ADAM22: variants seen among roughly 807,000 people sequenced by gnomAD.
The protein encoded by ADAM22 is disintegrin and metalloproteinase domain-containing protein 22.
ADAM22 carries 65 observed loss-of-function variants against 144.6 expected under a neutral mutation model. That is an observed-to-expected ratio of 0.45 (90% CI 0.37 to 0.55). The LOEUF (loss-of-function observed/expected upper bound fraction) is 0.55, where lower values mean the gene tolerates loss of function less well. ADAM22 is among the 20% of genes least tolerant of loss of function. ADAM22 has a pLI of 0.00. For synonymous variants in ADAM22, 391 were observed against 412.6 expected (o/e 0.95, Z 0.63); for missense variants, 974 against 1,184.9 (o/e 0.82, Z 2.61).
At chr7:88,068,571 T>C (rs1232143971) in intron 3 of ADAM22, among the ~76,000 whole-genome samples, 2 of 152,214 alleles carry the variant, frequency 1.3e-5, no homozygotes, top group East Asian at 3.8e-4. Flanking sequence ...AATCACTGAA[T>C]GTTAGAACAA....
At chr7:88,075,021 C>A (rs772216742) in intron 3 of ADAM22, among the ~76,000 whole-genome samples, 11 of 151,478 alleles carry the variant, frequency 7.3e-5, no homozygotes, top group Non-Finnish European at 1.5e-4. Context: ...GTCTTGAGAC[C>A]CCTCCATTAA....
At chr7:88,055,216 G>A (rs1418237071) in intron 3 of ADAM22, among the ~76,000 whole-genome samples, 2 of 152,018 alleles carry the variant, frequency 1.3e-5, no homozygotes, top group Admixed American at 1.3e-4. Context: ...AAGACTGAGA[G>A]GGAAGGAAGC....
chr7:87,957,908 A>G (rs1384435706), intron 2 of ADAM22, among the ~76,000 whole-genome samples: 1 of 152,122 alleles, frequency 6.6e-6, no homozygotes, highest in Non-Finnish European at 1.5e-5. Context: ...ATACATACAT[A>G]TATATCCATA....
chr7:88,062,167 G>T (rs1810062074), intron 3 of ADAM22, among the ~76,000 whole-genome samples: 1 of 151,742 alleles, frequency 6.6e-6, no homozygotes, highest in Non-Finnish European at 1.5e-5. Flanking sequence ...TTGAAACCAG[G>T]TATTGACTTC....
intron 2 of ADAM22, among the ~76,000 whole-genome samples, chr7:87,947,418 C>T (rs1843958942): frequency 6.6e-6 from 1 of 151,548 alleles, no homozygotes; most frequent in South Asian, 2.1e-4. Flanking sequence ...TTCCTGTCAC[C>T]AAAGGTGAAG....
chr7:88,117,646 A>G (rs1167253585), intron 7 of ADAM22, among the ~76,000 whole-genome samples: 1 of 151,390 alleles, frequency 6.6e-6, no homozygotes, highest in Non-Finnish European at 1.5e-5. Flanking sequence ...ATATCTGGAT[A>G]TCTGGTATGG....
intron 4 of ADAM22, among the ~76,000 whole-genome samples, chr7:88,106,380 T>C (rs1824394150): frequency 6.6e-6 from 1 of 152,184 alleles, no homozygotes; most frequent in African/African-American, 2.4e-5. Flanking sequence ...TGGGATTATC[T>C]CACAAGGAGC....
At chr7:88,146,761 A>G (rs1207945574) in intron 17 of ADAM22, among the ~76,000 whole-genome samples, 3 of 152,218 alleles carry the variant, frequency 2.0e-5, no homozygotes, top group Admixed American at 1.3e-4. Context: ...CTTAGCCAGT[A>G]AGGAATAGAT....
In ADAM22 at chr7:88,108,664, G is replaced by A. The variant is rs753235138; in HGVS notation, c.473+406G>A. On this transcript the variant is annotated intron_variant, in intron 5 of 31. Coordinates refer to ENST00000413139, the MANE Select transcript of ADAM22 (RefSeq NM_001324418.2). ...GAATCACTTGAACCTGCGAGGTGAA[G>A]GTTGCAGTGAGCCAAGACCATGCCA... is the stretch of plus-strand genomic sequence containing the variant. Among the ~76,000 whole-genome samples the A allele has an allele frequency of 3.5e-4, 53 of 152,100 alleles. 2 individuals carry two copies. Among genetic ancestry groups the A allele is most frequent in the Non-Finnish European group, 1.3e-4 (9 of 67,998 alleles).
chr7:88,049,374 CTGTTTTT>C (rs1399405314), intron 3 of ADAM22, among the ~76,000 whole-genome samples: 4 of 151,156 alleles, frequency 2.6e-5, no homozygotes, highest in Non-Finnish European at 4.4e-5. Context: ...TTTTTCTTTT[CTGTTTTT>C]TGTTTTTTGT....
chr7:88,176,842 G>A (rs1292131012), intron 26 of ADAM22, among the ~76,000 whole-genome samples: 1 of 152,108 alleles, frequency 6.6e-6, no homozygotes, highest in Non-Finnish European at 1.5e-5. Context: ...TCGGCTCACT[G>A]CAACCTCTGC....
At chr7:87,964,703 C>A (rs768407232) in intron 2 of ADAM22, 2 of 377,978 alleles carry the variant, frequency 5.3e-6, no homozygotes, top group Non-Finnish European at 1.0e-5. Context: ...GTACCTATAA[C>A]AAAAATTTTC....
At chr7:88,019,454 G>A (rs1055340176) in intron 3 of ADAM22, among the ~76,000 whole-genome samples, 11 of 152,198 alleles carry the variant, frequency 7.2e-5, no homozygotes, top group African/African-American at 1.9e-4. Context: ...CTGCCTGGGC[G>A]ACAGAGTGAA....
Position 88,116,876 on chromosome 7 carries a change from T to G in ADAM22, c.607+62T>G, listed in dbSNP as rs760577726. 5 of 1,220,492 alleles carry G rather than the reference T, an allele frequency of 4.1e-6. No homozygotes were observed. In the Admixed American group the frequency reaches 5.5e-5, roughly 13 times the overall value. The allele number at this position is 1,220,492 out of a possible 1,614,324, so 75.6% of individuals were successfully genotyped here. ...CAACTTCAGTAATTTATTTAATGCC[T>G]TAGAACTAATCTATATTTGGAATAT... On this transcript the variant is annotated intron_variant, in intron 7 of 31. Coordinates refer to ENST00000413139, the MANE Select transcript of ADAM22 (RefSeq NM_001324418.2).
chr7:88,138,450 C>T (rs1833600356), intron 14 of ADAM22, among the ~76,000 whole-genome samples: 1 of 152,078 alleles, frequency 6.6e-6, no homozygotes, highest in African/African-American at 2.4e-5. Flanking sequence ...AGAGAAAAGC[C>T]GTTTGTATAA....
chr7:87,968,569 GA>G (rs1434780200), intron 2 of ADAM22, among the ~76,000 whole-genome samples: 2 of 152,070 alleles, frequency 1.3e-5, no homozygotes, highest in Non-Finnish European at 2.9e-5. Context: ...TTAAAAAATA[GA>G]AATAGCTGAG....
intron 3 of ADAM22, among the ~76,000 whole-genome samples, chr7:88,016,991 AC>A (rs148308176): frequency 0.014 from 2,080 of 152,088 alleles, 40 homozygotes; most frequent in African/African-American, 0.047. Flanking sequence ...GGTGGTAGGC[AC>A]CTGTAGTCCC....
chr7:88,139,479 A>G lies in ADAM22; in HGVS notation c.1220+3448A>G, dbSNP rs529253745. ...ATAAAAGGAGGGGCTTTGAAAAAAG[A>G]CCTATTTAAATTTGATAACTCTGGC... is the stretch of plus-strand genomic sequence containing the variant. On this transcript the variant is annotated intron_variant, in intron 14 of 31. Coordinates refer to ENST00000413139, the MANE Select transcript of ADAM22 (RefSeq NM_001324418.2). Among the ~76,000 whole-genome samples the G allele has an allele frequency of 4.6e-5, 7 of 152,044 alleles. No homozygotes were observed. In the South Asian group the frequency reaches 1.5e-3, roughly 32 times the overall value.
chr7:88,151,203 A>T, intron 19 of ADAM22, 54 bp from the exon 20 acceptor site: 4 of 1,607,278 alleles, frequency 2.5e-6, no homozygotes, highest in Non-Finnish European at 3.4e-6. Context: ...TTTTTCAGTT[A>T]TCTGACATAA....
Sources: allele counts gnomAD v4.1 joint callset (sites outside exome capture counted in the v4.1 genomes callset), GRCh38; gene constraint gnomAD v4.1.1; transcripts MANE v1.5; gene names NCBI Gene and HGNC (gene_info 2026-07-23, HGNC 2026-07-21).